The following MROH6 variants were observed in gnomAD, a reference collection of about 807,000 sequenced individuals.
MROH6 encodes the protein maestro heat like repeat family member 6, also known as maestro heat-like repeat-containing protein family member 6.
MROH6 carries 62 observed loss-of-function variants against 67.7 expected under a neutral mutation model. The ratio of observed to expected loss-of-function variants is 0.92; its 90% CI spans 0.75 to 1.13. The LOEUF is 1.13. Among genes scored for constraint, MROH6 ranks in the 50% most tolerant of loss-of-function variants. MROH6 has a pLI of 0.00. For missense variants in MROH6, 1,175 were observed against 1,029.1 expected, an observed-to-expected ratio of 1.14 and a Z score of -1.94; for synonymous variants, 566 against 470.8, an observed-to-expected ratio of 1.20 and a Z score of -2.62.
chr8:143,567,896 C>T lies in MROH6; in HGVS notation c.1765-8G>A, dbSNP rs774461329. 2.6e-6 allele frequency: 4 copies of T among 1,519,952 alleles called. No individual in the cohort carries two copies. The highest frequency in any genetic ancestry group is 2.6e-6 in the Non-Finnish European group (3 of 1,135,552). The allele number at this position is 1,519,952 out of a possible 1,614,324, so 94.2% of individuals were successfully genotyped here. On this transcript the variant is annotated splice_polypyrimidine_tract_variant and splice_region_variant and intron_variant, in intron 11 of 13. Transcript: ENST00000398882. Reference sequence around the variant, plus strand: ...GCCTGGGTATCGCTGAACCTGGGGACAAAAGGGCTAGTGGCAGGACAGGAG... The same window carrying T: ...GCCTGGGTATCGCTGAACCTGGGGATAAAAGGGCTAGTGGCAGGACAGGAG...
chr8:143,569,582 G>A lies in MROH6; in HGVS notation c.1335C>T (p.Leu445=), dbSNP rs750170181. The change falls in exon 9 of 14, where the codon CTC becomes CTT. Residue 445 remains leucine, a synonymous_variant. Transcript: ENST00000398882. ...CGTCGCCTTCGCCCAGTGCGCCCAG[G>A]AGCGCCGGCAGCAGCGTGCTCACGT... is the stretch of plus-strand genomic sequence containing the variant. ...VRHVSTLLPA[L]LGALGEGDAR... is the part of the protein sequence containing the mutation. The A allele has an allele frequency of 4.5e-6, 7 of 1,566,450 alleles. No individual in the cohort carries two copies. The Admixed American group carries it at 1.3e-4, about 28-fold the overall frequency.
rs1355498262 is a variant in MROH6 at position 143,567,007 on chromosome 8, CA to C, written c.*231del. 1.2e-5 allele frequency: 4 copies of C among 338,832 alleles called. No homozygotes were observed. The highest frequency in any genetic ancestry group is 8.8e-5 in the African/African-American group (4 of 45,690). The allele number at this position is 338,832 out of a possible 1,614,324, so 21.0% of individuals were successfully genotyped here. ...CAAGGTTGGGGCATGGGGCATGCTC[CA>C]GGGGGCTGTGAGAACAAGAGCCCTG... On this transcript the variant is annotated 3_prime_UTR_variant, in exon 14 of 14. Transcript: ENST00000398882.
chr8:143,569,813 G>A lies in MROH6; in HGVS notation c.1186C>T (p.Leu396Phe). 2 of 1,611,660 alleles carry A rather than the reference G, an allele frequency of 1.2e-6. No individual in the cohort carries two copies. Among genetic ancestry groups the A allele is most frequent in the Non-Finnish European group, 1.7e-6 (2 of 1,179,286 alleles). Residue 396 changes from leucine to phenylalanine, a missense_variant, in exon 8 of 14, where the codon CTC becomes TTC. Coordinates refer to ENST00000398882, the MANE Select transcript of MROH6 (RefSeq NM_001100878.2). ...GLLQSRPTAR[L>F]LREEVILERL... ...TCCAGGATGACCTCCTCCCGCAGGA[G>A]CCGTGCGGTGGGCCGGCTCTGCAAC...
rs1385096415 is a variant in MROH6 at position 143,569,443 on chromosome 8, C to T, written c.1474G>A (p.Asp492Asn). ...LGPRLPPLLD[D>N]TRDSIRASAV... ...CCGGAGGCGGGGCGTTTGCTCACGTCGTCCAGTAGCGGAGGGAGGCGCGGT... is the reference window on the plus strand; with the variant it reads ...CCGGAGGCGGGGCGTTTGCTCACGTTGTCCAGTAGCGGAGGGAGGCGCGGT... The change falls in exon 9 of 14, where the codon GAC becomes AAC. Residue 492 changes from aspartate (D) to asparagine (N), a missense_variant and splice_region_variant. Coordinates refer to ENST00000398882, the MANE Select transcript of MROH6 (RefSeq NM_001100878.2). 2.1e-6 allele frequency: 3 copies of T among 1,444,198 alleles called. No homozygotes were observed. Among genetic ancestry groups the T allele is most frequent in the African/African-American group, 3.0e-5 (2 of 66,594 alleles). 89.5% of individuals were successfully genotyped at this position (1,444,198 alleles called of 1,614,324 possible). A position where few individuals can be genotyped will look rare whatever the true frequency, so the allele number is the denominator to read the frequency against.
At chr8:143,568,791 G>T in intron 9 of MROH6, 72 bp from the exon 10 acceptor site, 1 of 1,212,192 alleles carries the variant, frequency 8.2e-7, no homozygotes, top group Non-Finnish European at 1.1e-6. Context: ...GGCGGCCAGC[G>T]CGGAGCGAGG....
chr8:143,571,935 A>G (rs1319718031), intron 2 of MROH6, 98 bp downstream of exon 2: 2 of 1,464,752 alleles, frequency 1.4e-6, no homozygotes, highest in African/African-American at 2.9e-5. Context: ...GAGCAGCCTG[A>G]AGATGGCAGG....
In MROH6 at chr8:143,569,601, C is replaced by A; in HGVS notation, c.1316G>T (p.Ser439Ile). Residue 439 changes from serine to isoleucine, a missense_variant, in exon 9 of 14, where the codon AGC (serine) becomes ATC (isoleucine). Transcript: ENST00000398882. ...ALNRRKVRHVSTLLPALLGAL... is the reference protein window; with the variant it reads ...ALNRRKVRHVITLLPALLGAL... ...GCCCAGGAGCGCCGGCAGCAGCGTGCTCACGTGCCGCACCTGCTGGGACTC... is the reference window on the plus strand; with the variant it reads ...GCCCAGGAGCGCCGGCAGCAGCGTGATCACGTGCCGCACCTGCTGGGACTC... The A allele has an allele frequency of 6.3e-7, 1 of 1,577,718 alleles. No homozygotes were observed.
rs1300668751 is a variant in MROH6 at position 143,572,124 on chromosome 8, C to A, written c.356G>T (p.Cys119Phe). Residue 119 changes from cysteine (C) to phenylalanine (F), a missense_variant, in exon 2 of 14, where the codon TGC becomes TTC. Cys to Phe is a radical substitution (Grantham distance 205, BLOSUM62 -2). Transcript: ENST00000398882. ...CCCTGCAAAGCCAGCCTCCTCCAGGCAGGCAGCCGTGTACAACGCGAGGTC... is the reference window on the plus strand; with the variant it reads ...CCCTGCAAAGCCAGCCTCCTCCAGGAAGGCAGCCGTGTACAACGCGAGGTC... ...LADLALYTAA[C>F]LEEAGFAGTQ... 1.2e-6 allele frequency: 2 copies of A among 1,612,918 alleles called. No individual in the cohort carries two copies. The highest frequency in any genetic ancestry group is 1.7e-6 in the Non-Finnish European group (2 of 1,179,858).
At position 143,570,228 on chromosome 8, in the gene MROH6, C is replaced by CCTCACCCTT. The variant is rs1254580978; in HGVS notation, c.1043+14_1043+15insAAGGGTGAG. On this transcript the variant is annotated intron_variant, in intron 6 of 13. Transcript: ENST00000398882. The stretch of plus-strand genomic sequence containing the variant: ...CCTGGTGTGACACCCTGGGGCCCCT[C>CCTCACCCTT]CTCACCCTCCTCACCTGGCCAGCAG... 6.4e-7 allele frequency: 1 copy of CCTCACCCTT among 1,568,554 alleles called. No individual in the cohort carries two copies. Among genetic ancestry groups the CCTCACCCTT allele is most frequent in the Non-Finnish European group, 8.6e-7 (1 of 1,159,206 alleles).
Position 143,570,924 on chromosome 8 carries a change from G to A in MROH6, c.673C>T (p.Leu225=), listed in dbSNP as rs1218672321. Reference sequence around the variant, plus strand: ...CCCGAAGCACCCTTCAGCGCCCACAGCAGTTGCACCAGCACCTGCCCATTT... The same window carrying A: ...CCCGAAGCACCCTTCAGCGCCCACAACAGTTGCACCAGCACCTGCCCATTT... ...RVNGQVLVQL[L]WALKGASGPE... The change falls in exon 4 of 14, where the codon CTG becomes TTG. Residue 225 remains leucine, a synonymous_variant. Transcript: ENST00000398882. The A allele has an allele frequency of 6.7e-7, 1 of 1,487,674 alleles. No individual in the cohort carries two copies. The allele number at this position is 1,487,674 out of a possible 1,614,324, so 92.2% of individuals were successfully genotyped here. A position where few individuals can be genotyped will look rare whatever the true frequency, so the allele number is the denominator to read the frequency against.
Position 143,568,697 on chromosome 8 carries a change from G to C in MROH6, c.1499C>G (p.Ser500Trp). The stretch of plus-strand genomic sequence containing the variant: ...CAGAGTCCCAAGGAGCCCGACGGCC[G>C]AGGCGCGGATTGAGTCCCGTGTCTG... ...LDDTRDSIRA[S>W]AVGLLGTLVR... is the part of the protein sequence containing the mutation. The change falls in exon 10 of 14, where the codon TCG (serine) becomes TGG (tryptophan). Residue 500 changes from serine to tryptophan, a missense_variant. By Grantham distance (177) the Ser-to-Trp change is radical (BLOSUM62 -3). Transcript: ENST00000398882. 6.6e-7 allele frequency: 1 copy of C among 1,504,882 alleles called. No homozygotes were observed. Among genetic ancestry groups the C allele is most frequent in the East Asian group, 2.5e-5 (1 of 40,088 alleles). The allele number at this position is 1,504,882 out of a possible 1,614,324, so 93.2% of individuals were successfully genotyped here. A position where few individuals can be genotyped will look rare whatever the true frequency, so the allele number is the denominator to read the frequency against.
chr8:143,569,674 C>G, intron 8 of MROH6, 23 bp downstream of exon 8: 2 of 1,610,084 alleles, frequency 1.2e-6, no homozygotes, highest in Non-Finnish European at 1.7e-6. Flanking sequence ...AAGCCCCTCT[C>G]CACCCCTCCC....
rs1056968806 is a variant in MROH6 at position 143,569,502 on chromosome 8, C to G, written c.1415G>C (p.Arg472Pro). Residue 472 changes from arginine (R) to proline (P), a missense_variant, in exon 9 of 14, where the codon CGG becomes CCG. Physicochemically the swap from Arg to Pro is moderately radical, Grantham distance 103. Transcript: ENST00000398882. ...GALRRLLLRP[R>P]APVRLLSAEL... is the part of the protein sequence containing the mutation. ...CGCGCTCAGGAGCCGCACAGGCGCCCGGGGCCGCAGCAGGAGCCTCCTCAG... is the reference window on the plus strand; with the variant it reads ...CGCGCTCAGGAGCCGCACAGGCGCCGGGGGCCGCAGCAGGAGCCTCCTCAG... 2.0e-6 allele frequency: 3 copies of G among 1,486,960 alleles called. No homozygotes were observed. Among genetic ancestry groups the G allele is most frequent in the South Asian group, 1.3e-5 (1 of 78,458 alleles). The allele number at this position is 1,486,960 out of a possible 1,614,324, so 92.1% of individuals were successfully genotyped here.
intron 4 of MROH6, 56 bp downstream of exon 4, chr8:143,570,821 T>A: frequency 3.1e-6 from 4 of 1,306,752 alleles, no homozygotes; most frequent in Non-Finnish European, 4.2e-6. Context: ...TCCTCCCCGC[T>A]CCTCGCCACC....
chr8:143,568,363 A>T, intron 10 of MROH6, 102 bp from the exon 11 acceptor site: 1 of 1,478,352 alleles, frequency 6.8e-7, no homozygotes, highest in Non-Finnish European at 9.1e-7. Context: ...GGGGCAGAAG[A>T]GCCCAGGGCA....
chr8:143,569,388 C>T, intron 9 of MROH6, 53 bp downstream of exon 9: 1 of 1,214,750 alleles, frequency 8.2e-7, no homozygotes, highest in South Asian at 1.8e-5. Context: ...ACTGGAAGGG[C>T]GGGGGCGGTG....
intron 11 of MROH6, 28 bp from the exon 12 acceptor site, chr8:143,567,916 C>G (rs752496006): frequency 1.3e-6 from 2 of 1,512,208 alleles, no homozygotes; most frequent in East Asian, 4.5e-5. Context: ...AGTGGCAGGA[C>G]AGGAGGGCTG....
rs13254352 is a variant in MROH6 at position 143,567,480 on chromosome 8, C to G, written c.1934-15G>C. The G allele has an allele frequency of 7.0e-7, 1 of 1,425,576 alleles. No individual in the cohort carries two copies. Among genetic ancestry groups the G allele is most frequent in the Non-Finnish European group, 9.2e-7 (1 of 1,085,036 alleles). 88.3% of individuals were successfully genotyped at this position (1,425,576 alleles called of 1,614,324 possible). On this transcript the variant is annotated splice_polypyrimidine_tract_variant and intron_variant, in intron 13 of 13. Coordinates refer to ENST00000398882, the MANE Select transcript of MROH6 (RefSeq NM_001100878.2). ...TCGCCCTAGGTCTGCGAGGAGATCG[C>G]GGCTCAGGCTGGGGAGCCCAGGAGG...
chr8:143,569,315 G>A, intron 9 of MROH6, 126 bp downstream of exon 9: 1 of 598,234 alleles, frequency 1.7e-6, no homozygotes, highest in African/African-American at 2.4e-5. Flanking sequence ...TGGAAGGGCG[G>A]GGCGGGGCCT....
Sources: gnomAD v4.1 joint callset for allele counts on GRCh38, gnomAD v4.1.1 for gene constraint, MANE v1.5 for transcripts, NCBI Gene and HGNC (gene_info 2026-07-23, HGNC 2026-07-21) for gene names.